SPTBN4: variants seen among roughly 807,000 people sequenced by gnomAD.
SPTBN4 encodes spectrin beta, non-erythrocytic 4.
SPTBN4 carries 96 observed loss-of-function variants against 277.8 expected under a neutral mutation model. That is an observed-to-expected ratio of 0.35 (90% CI 0.29 to 0.41). The LOEUF (loss-of-function observed/expected upper bound fraction) is 0.41. Among genes scored for constraint, SPTBN4 ranks in the 10% least tolerant of loss-of-function variants. The pLI, the probability that SPTBN4 is intolerant of heterozygous loss-of-function variation, is 1.00. For synonymous variants in SPTBN4, 1,481 were observed against 1,580.3 expected (o/e 0.94, Z 1.49); for missense variants, 3,006 against 3,595.7 (o/e 0.84, Z 4.19).
At chr19:40,480,298 T>TA (rs1568758984) in intron 2 of SPTBN4, among the ~76,000 whole-genome samples, 2 of 150,986 alleles carry the variant, frequency 1.3e-5, no homozygotes, top group African/African-American at 4.9e-5. Context: ...CATGAGCCTG[T>TA]AGTCCTAGCT....
At position 40,549,264 on chromosome 19, in the gene SPTBN4, G is replaced by A. The variant is rs2080890158; in HGVS notation, c.4435G>A (p.Glu1479Lys). 1 of 1,545,910 alleles carries A rather than the reference G, an allele frequency of 6.5e-7. No homozygotes were observed. Reference protein sequence around the residue: ...LQAQTAALPLEPASKELVGER... With the variant: ...LQAQTAALPLKPASKELVGER... ...GGCGCAGACGGCGGCGCTGCCGCTGGAGCCGGCGAGCAAGGAGCTGGTGGG... is the reference window on the plus strand; with the variant it reads ...GGCGCAGACGGCGGCGCTGCCGCTGAAGCCGGCGAGCAAGGAGCTGGTGGG... The change falls in exon 21 of 36, where the codon GAG becomes AAG. Residue 1479 changes from glutamate to lysine, a missense_variant. Glu to Lys is a moderately conservative substitution (Grantham distance 56, BLOSUM62 1). Coordinates refer to ENST00000598249, the MANE Select transcript of SPTBN4 (RefSeq NM_020971.3).
intron 2 of SPTBN4, among the ~76,000 whole-genome samples, chr19:40,478,175 G>A (rs2079970145): frequency 6.6e-6 from 1 of 152,080 alleles, no homozygotes; most frequent in South Asian, 2.1e-4. Context: ...GGGGTACCAG[G>A]GAGCTATGGA....
intron 29 of SPTBN4, 37 bp from the exon 30 acceptor site, chr19:40,566,126 A>ATGCCCCAGAATCCTTACCC (rs1207630655): frequency 6.9e-7 from 1 of 1,457,856 alleles, no homozygotes; most frequent in South Asian, 1.4e-5. Flanking sequence ...AGGGCCCCAG[A>ATGCCCCAGAATCCTTACCC]TGCCCCAGAA....
Position 40,549,255 on chromosome 19 carries a change from C to T in SPTBN4, c.4426C>T (p.Leu1476=). Residue 1476 remains leucine (L), a synonymous_variant, in exon 21 of 36, where the codon CTG becomes TTG. Coordinates refer to ENST00000598249, the MANE Select transcript of SPTBN4 (RefSeq NM_020971.3). Reference sequence around the variant, plus strand: ...AGAGCTGCAGGCGCAGACGGCGGCGCTGCCGCTGGAGCCGGCGAGCAAGGA... The same window carrying T: ...AGAGCTGCAGGCGCAGACGGCGGCGTTGCCGCTGGAGCCGGCGAGCAAGGA... The part of the protein sequence containing the change: ...VGELQAQTAA[L]PLEPASKELV... 6.5e-7 allele frequency: 1 copy of T among 1,546,904 alleles called. No individual in the cohort carries two copies. Among genetic ancestry groups the T allele is most frequent in the South Asian group, 1.2e-5 (1 of 83,956 alleles).
rs200954322 is a variant in SPTBN4, at chr19:40,497,586, C to A, written c.766C>A (p.Arg256=). 186 of 1,613,828 alleles carry A rather than the reference C, an allele frequency of 1.2e-4. 1 individual carries two copies. The East Asian group carries it at 3.9e-3, about 34-fold the overall frequency. ...RTAEQHLGLA[R]LLDPEDVNME... is the part of the protein sequence containing the mutation. The stretch of plus-strand genomic sequence containing the variant: ...AGCTGAGCAGCACCTGGGGCTGGCG[C>A]GGCTGCTGGATCCTGAAGGTGAGCC... The change falls in exon 7 of 36, where the codon CGG becomes AGG. Residue 256 remains arginine, a synonymous_variant. Transcript: ENST00000598249.
Position 40,568,222 on chromosome 19 carries a change from G to T in SPTBN4, c.6896G>T (p.Arg2299Leu), listed in dbSNP as rs752430467. ...MERRRERRER[R>L]LERQESSEQE... ...CGGCGGCGCGAGCGGCGTGAGCGGC[G>T]CTTGGAGCGGCAGGAGTCCAGCGAA... The change falls in exon 31 of 36, where the codon CGC becomes CTC. Residue 2299 changes from arginine (R) to leucine (L), a missense_variant. Arg to Leu is a moderately radical substitution (Grantham distance 102, BLOSUM62 -2). Around this residue, in one of 5 missense-constraint regions of SPTBN4, gnomAD observed 630 missense variants for 677.6 expected, o/e 0.93. Coordinates refer to ENST00000598249, the MANE Select transcript of SPTBN4 (RefSeq NM_020971.3). 32 of 1,603,832 alleles carry T rather than the reference G, an allele frequency of 2.0e-5. No homozygotes were observed. Among genetic ancestry groups the T allele is most frequent in the Non-Finnish European group, 2.7e-5 (32 of 1,175,472 alleles).
intron 11 of SPTBN4, 62 bp from the exon 12 acceptor site, chr19:40,503,768 G>A (rs897261898): frequency 6.6e-7 from 1 of 1,511,110 alleles, no homozygotes; most frequent in Non-Finnish European, 8.9e-7. Context: ...GGGTCACACA[G>A]GGTCAAGGTA....
Position 40,560,553 on chromosome 19 carries a change from C to A in SPTBN4, c.5915+150C>A. The A allele has an allele frequency of 6.6e-7, 1 of 1,525,362 alleles. No individual in the cohort carries two copies. 94.5% of individuals were successfully genotyped at this position (1,525,362 alleles called of 1,614,324 possible). Reference sequence around the variant, plus strand: ...GTGCTAGGCACTGTTCTAGGTGCTTCGTGTGTATTCAGACCCCTTTTTTAG... The same window carrying A: ...GTGCTAGGCACTGTTCTAGGTGCTTAGTGTGTATTCAGACCCCTTTTTTAG... On this transcript the variant is annotated intron_variant, in intron 27 of 35. Transcript: ENST00000598249. This position sits in a 1 kb window ranked among gnomAD's most constrained non-coding sequence, Gnocchi z 5.2.
chr19:40,564,790 T>G (rs1228326967), intron 27 of SPTBN4, among the ~76,000 whole-genome samples: 2 of 150,536 alleles, frequency 1.3e-5, no homozygotes, highest in African/African-American at 4.9e-5. Context: ...TGAGCTGCAA[T>G]CTTGCCACTG....
chr19:40,497,331 A>C (rs903971988), intron 6 of SPTBN4, 158 bp from the exon 7 acceptor site: 2 of 614,032 alleles, frequency 3.3e-6, no homozygotes, highest in African/African-American at 3.7e-5. Context: ...CTCACATCAC[A>C]GCTAAATGCT....
chr19:40,527,864 T>A (rs1257410303), intron 17 of SPTBN4, among the ~76,000 whole-genome samples: 1 of 152,142 alleles, frequency 6.6e-6, no homozygotes, highest in African/African-American at 2.4e-5. Flanking sequence ...GAGACCAGCC[T>A]GGCCAACATG....
chr19:40,518,094 T>C (rs1240659581), intron 15 of SPTBN4, among the ~76,000 whole-genome samples: 1 of 152,110 alleles, frequency 6.6e-6, no homozygotes, highest in African/African-American at 2.4e-5. Context: ...TCACTTGAGG[T>C]CAGGAGTTTG....
chr19:40,568,858 G>C (rs1036962145), intron 31 of SPTBN4, among the ~76,000 whole-genome samples: 6 of 152,182 alleles, frequency 3.9e-5, no homozygotes, highest in Admixed American at 3.9e-4. Context: ...AGAGGCCTTT[G>C]GTCAGGAGAC....
At chr19:40,573,668 T>C (rs959852120) in intron 35 of SPTBN4, among the ~76,000 whole-genome samples, 9 of 151,502 alleles carry the variant, frequency 5.9e-5, no homozygotes, top group Non-Finnish European at 1.0e-4. Context: ...CCATCTCTTA[T>C]GGTGCATGCC....
chr19:40,572,596 G>A lies in SPTBN4; in HGVS notation c.7536+216G>A, dbSNP rs957867120. 9 of 584,828 alleles carry A rather than the reference G, an allele frequency of 1.5e-5. No individual in the cohort carries two copies. The African/African-American group carries it at 1.7e-4, about 11-fold the overall frequency. The allele number at this position is 584,828 out of a possible 1,614,324, so 36.2% of individuals were successfully genotyped here. A position where few individuals can be genotyped will look rare whatever the true frequency, so the allele number is the denominator to read the frequency against. ...TCAGGGAGGGCTGCCTGCAGATCCT[G>A]ATGACAAAGTCCAACATCTTTGCCG... On this transcript the variant is annotated intron_variant, in intron 35 of 35. Transcript: ENST00000598249.
chr19:40,499,597 A>G (rs1264609014), intron 7 of SPTBN4, among the ~76,000 whole-genome samples: 1 of 149,614 alleles, frequency 6.7e-6, no homozygotes, highest in Non-Finnish European at 1.5e-5. Flanking sequence ...GGGTCTCGCT[A>G]TGTTGCCCAG....
chr19:40,571,752 G>A (rs186474280), intron 33 of SPTBN4: 102 of 356,318 alleles, frequency 2.9e-4, no homozygotes, highest in Admixed American at 1.8e-3. Flanking sequence ...GACAGCTTAA[G>A]ACTTACCTTC....
At chr19:40,508,532 C>A (rs1427286550) in intron 13 of SPTBN4, among the ~76,000 whole-genome samples, 6 of 152,108 alleles carry the variant, frequency 3.9e-5, no homozygotes, top group Non-Finnish European at 1.5e-5. Flanking sequence ...ACTAAAAATA[C>A]AAAAAATTAA....
chr19:40,563,172 A>G (rs2081060021), intron 27 of SPTBN4, among the ~76,000 whole-genome samples: 1 of 152,018 alleles, frequency 6.6e-6, no homozygotes. Context: ...TGATTATGCC[A>G]TTTCACTCCA....
Sources: gnomAD v4.1 joint callset for allele counts (sites outside exome capture counted in the v4.1 genomes callset) on GRCh38, gnomAD v4.1.1 for gene constraint, gnomAD v4.1.1 regional missense constraint, Gnocchi (gnomAD v3.1) non-coding constraint, MANE v1.5 for transcripts, NCBI Gene and HGNC (gene_info 2026-07-23, HGNC 2026-07-21) for gene names.